The following CTCFL variants were observed in gnomAD, a reference collection of about 807,000 sequenced individuals.
CTCFL encodes CCCTC-binding factor like.
In CTCFL, 36 loss-of-function variants were observed where a neutral mutation model predicts 67.4. The observed-to-expected ratio is 0.53, with a 90% CI of 0.41 to 0.71. The LOEUF (loss-of-function observed/expected upper bound fraction) is 0.71. Ranked by LOEUF, CTCFL falls within the 30% of genes least tolerant of loss-of-function variation. CTCFL has a pLI of 0.00. For missense variants in CTCFL, 786 were observed against 835.2 expected (o/e 0.94, Z 0.73); for synonymous variants, 324 against 302.3 (o/e 1.07, Z -0.75).
intron 9 of CTCFL, chr20:57,507,701 A>C (rs2068289112): frequency 2.8e-6 from 2 of 702,878 alleles, no homozygotes. Context: ...CGGATGATGC[A>C]GCCCTGGCGG....
intron 3 of CTCFL, 141 bp from the exon 4 acceptor site, chr20:57,519,518 A>G (rs913760710): frequency 1.4e-6 from 1 of 732,602 alleles, no homozygotes; most frequent in Admixed American, 2.4e-5. Flanking sequence ...AAGCTGATCG[A>G]AGCAATTCAG....
intron 3 of CTCFL, among the ~76,000 whole-genome samples, chr20:57,522,819 C>A (rs1011567806): frequency 5.3e-5 from 8 of 152,230 alleles, no homozygotes; most frequent in African/African-American, 2.4e-5. Flanking sequence ...AGGGCTTGGT[C>A]TTCTATGCTT....
intron 9 of CTCFL, among the ~76,000 whole-genome samples, chr20:57,505,549 C>T (rs2068160996): frequency 6.6e-6 from 1 of 152,224 alleles, no homozygotes; most frequent in Non-Finnish European, 1.5e-5. Flanking sequence ...AGCCACCGCG[C>T]CCGGCCTTAA....
At chr20:57,504,811 T>C (rs952534855) in intron 9 of CTCFL, among the ~76,000 whole-genome samples, 20 of 152,038 alleles carry the variant, frequency 1.3e-4, no homozygotes, top group African/African-American at 4.1e-4. Context: ...ACAAAACTTC[T>C]CTTCCTTAAC....
chr20:57,509,171 TAA>T (rs2068394086), intron 8 of CTCFL, among the ~76,000 whole-genome samples: 1 of 152,142 alleles, frequency 6.6e-6, no homozygotes, highest in East Asian at 1.9e-4. Context: ...CCTGCAAACT[TAA>T]AAATCAAATG....
intron 6 of CTCFL, 74 bp downstream of exon 6, chr20:57,515,640 A>G (rs748747051): frequency 6.3e-7 from 1 of 1,591,760 alleles, no homozygotes; most frequent in Admixed American, 1.7e-5. Context: ...TTGTGCCAAT[A>G]AAAAGTAATT....
At chr20:57,525,157 C>G (rs1600690781), upstream of CTCFL, 1 of 150,484 alleles carries the variant, frequency 6.6e-6, no homozygotes, top group Non-Finnish European at 1.5e-5. Flanking sequence ...TGGCAGTGCG[C>G]AGGCGCGGAG....
At chr20:57,499,285 C>T (rs1178437027) in intron 10 of CTCFL, among the ~76,000 whole-genome samples, 4 of 152,158 alleles carry the variant, frequency 2.6e-5, no homozygotes, top group African/African-American at 4.8e-5. Flanking sequence ...TTTGGCCAAT[C>T]GACATATACT....
At chr20:57,515,282 C>T (rs1481009912) in intron 6 of CTCFL, 3 of 178,332 alleles carry the variant, frequency 1.7e-5, no homozygotes, top group Non-Finnish European at 3.6e-5. Context: ...GTAGCTGGGA[C>T]CACAGGTGTG....
Position 57,523,279 on chromosome 20 carries a change from C to A in CTCFL, c.544-1G>T. On this transcript the variant is annotated splice_acceptor_variant, in intron 2 of 10. Transcript: ENST00000243914. LOFTEE classifies it high-confidence loss of function. ...GGTTCTTCTCCTGCTCTTCCTCGAG[C>A]TAATAAACAACAAATATTCAAATAT... The A allele has an allele frequency of 6.2e-7, 1 of 1,611,250 alleles. No homozygotes were observed. Among genetic ancestry groups the A allele is most frequent in the Non-Finnish European group, 8.5e-7 (1 of 1,178,562 alleles).
At chr20:57,523,623 C>T (rs777298846) in intron 2 of CTCFL, 40 bp downstream of exon 2, 6 of 1,566,868 alleles carry the variant, frequency 3.8e-6, no homozygotes, top group Admixed American at 3.9e-5. Flanking sequence ...TGAATTTTTT[C>T]TTTTTCATGT....
chr20:57,503,349 C>A, intron 10 of CTCFL, 87 bp downstream of exon 10: 4 of 1,496,672 alleles, frequency 2.7e-6, no homozygotes, highest in Non-Finnish European at 3.7e-6. Flanking sequence ...CTGGACACAT[C>A]CCCTGGACAG....
chr20:57,511,379 A>T (rs540757929), intron 8 of CTCFL, among the ~76,000 whole-genome samples: 49 of 152,086 alleles, frequency 3.2e-4, no homozygotes, highest in Non-Finnish European at 6.6e-4. Flanking sequence ...TGGAATCTGA[A>T]ACCGTGCCAA....
downstream of CTCFL, chr20:57,496,447 C>A (rs73915845): frequency 0.013 from 6,161 of 461,928 alleles, 323 homozygotes; most frequent in African/African-American, 0.11. Context: ...AGGACTAACA[C>A]AACATAAAAT....
At chr20:57,503,352 C>G in intron 10 of CTCFL, 84 bp downstream of exon 10, 1 of 1,523,686 alleles carries the variant, frequency 6.6e-7, no homozygotes, top group South Asian at 1.2e-5. Context: ...GACACATCCC[C>G]TGGACAGTAA....
At position 57,506,866 on chromosome 20, in the gene CTCFL, C is replaced by A. The variant is rs556702804; in HGVS notation, c.1674+1740G>T. ...TGCATGAGCAATGGTGTTTTGGGAGCACTGCCACAGCTTTTATTTGAAATT... is the reference window on the plus strand; with the variant it reads ...TGCATGAGCAATGGTGTTTTGGGAGAACTGCCACAGCTTTTATTTGAAATT... On this transcript the variant is annotated intron_variant, in intron 9 of 10. Coordinates refer to ENST00000243914, the MANE Select transcript of CTCFL (RefSeq NM_001386993.1). 125 of 985,076 alleles carry A rather than the reference C, an allele frequency of 1.3e-4. No homozygotes were observed. In the African/African-American group the frequency reaches 2.1e-3, roughly 17 times the overall value. The allele number at this position is 985,076 out of a possible 1,614,324, so 61.0% of individuals were successfully genotyped here. A position where few individuals can be genotyped will look rare whatever the true frequency, so the allele number is the denominator to read the frequency against.
rs1251423698 is a variant in CTCFL at position 57,497,883 on chromosome 20, CA to C, written c.*666del. ...CTAAAGGTGAACCTTGCTCCTATAC[CA>C]AAGTAAAATCGATTTATTCCTTATT... On this transcript the variant is annotated 3_prime_UTR_variant, in exon 11 of 11. Transcript: ENST00000243914. 1 of 971,572 alleles carries C rather than the reference CA, an allele frequency of 1.0e-6. No homozygotes were observed. The highest frequency in any genetic ancestry group is 1.2e-6 in the Non-Finnish European group (1 of 817,546). 60.2% of individuals were successfully genotyped at this position (971,572 alleles called of 1,614,324 possible).
chr20:57,501,098 T>C (rs1363364831), intron 10 of CTCFL, among the ~76,000 whole-genome samples: 1 of 152,212 alleles, frequency 6.6e-6, no homozygotes, highest in Non-Finnish European at 1.5e-5. Flanking sequence ...CTGTGCTTAC[T>C]ATTCACTCGT....
chr20:57,514,747 A>G lies in CTCFL; in HGVS notation c.1181-6T>C. Reference sequence around the variant, plus strand: ...GCATTCGTAAGGCTTCTCACCTGAGATGCAGACAACAAAGTGATTCCCCCT... The same window carrying G: ...GCATTCGTAAGGCTTCTCACCTGAGGTGCAGACAACAAAGTGATTCCCCCT... On this transcript the variant is annotated splice_region_variant and splice_polypyrimidine_tract_variant and intron_variant, in intron 6 of 10. Transcript: ENST00000243914. 6.2e-7 allele frequency: 1 copy of G among 1,613,502 alleles called. No individual in the cohort carries two copies. Among genetic ancestry groups the G allele is most frequent in the Non-Finnish European group, 8.5e-7 (1 of 1,179,702 alleles).
Sources: gnomAD v4.1 joint callset for allele counts (sites outside exome capture counted in the v4.1 genomes callset) on GRCh38, gnomAD v4.1.1 for gene constraint, MANE v1.5 for transcripts, NCBI Gene and HGNC (gene_info 2026-07-23, HGNC 2026-07-21) for gene names.